Variants in DISC1 observed in about 807,000 individuals in gnomAD.
The protein encoded by DISC1 is disrupted in schizophrenia 1 protein.
Under a neutral mutation model 84.5 loss-of-function variants are expected in DISC1, and 57 were observed. That is an observed-to-expected ratio of 0.67 (90% confidence interval 0.55 to 0.84). The LOEUF is 0.84. Ranked by LOEUF, DISC1 falls within the 40% of genes least tolerant of loss-of-function variation. The pLI is 0.00. For synonymous variants in DISC1, 411 were observed against 415.2 expected (o/e 0.99, Z 0.12); for missense variants, 1,000 against 1,057.8 (o/e 0.95, Z 0.76).
chr1:232,006,362 A>G (rs746484939), intron 10 of DISC1, among the ~76,000 whole-genome samples: 3 of 152,164 alleles, frequency 2.0e-5, no homozygotes, highest in Non-Finnish European at 1.5e-5. Context: ...AGTGATATGG[A>G]TAATGAAGTC....
chr1:231,755,991 T>C (rs2075074065), intron 4 of DISC1, among the ~76,000 whole-genome samples: 2 of 152,222 alleles, frequency 1.3e-5, no homozygotes, highest in South Asian at 4.1e-4. Context: ...TGGCTCCCCA[T>C]TGCTTGCAGG....
intron 1 of DISC1, among the ~76,000 whole-genome samples, chr1:231,631,964 T>C (rs2058746164): frequency 1.3e-5 from 2 of 152,322 alleles, no homozygotes; most frequent in African/African-American, 2.4e-5. Context: ...CCATGCATGA[T>C]AAGCCTCCTA....
chr1:231,787,612 A>G (rs1325888323), intron 6 of DISC1, among the ~76,000 whole-genome samples: 1 of 152,196 alleles, frequency 6.6e-6, no homozygotes. Context: ...TGCCTTGGGA[A>G]TTAAGTTTCC....
chr1:231,788,248 G>A (rs1474552032), intron 6 of DISC1, among the ~76,000 whole-genome samples: 2 of 152,138 alleles, frequency 1.3e-5, no homozygotes. Context: ...TCACACCACT[G>A]CACTCCAGCC....
At chr1:231,933,456 T>C (rs148484991) in intron 9 of DISC1, among the ~76,000 whole-genome samples, 85 of 152,336 alleles carry the variant, frequency 5.6e-4, no homozygotes, top group African/African-American at 1.9e-3. Context: ...CTAAGGCACC[T>C]TCTCATCCTG....
At chr1:231,663,017 G>A (rs935965847) in intron 1 of DISC1, among the ~76,000 whole-genome samples, 18 of 150,958 alleles carry the variant, frequency 1.2e-4, no homozygotes, top group African/African-American at 3.4e-4. Context: ...ACAAGCAAAC[G>A]AAAAACGTCC....
intron 9 of DISC1, among the ~76,000 whole-genome samples, chr1:231,867,027 C>T (rs942725876): frequency 1.3e-5 from 2 of 152,200 alleles, no homozygotes; most frequent in African/African-American, 4.8e-5. Context: ...TAAATCAACA[C>T]AATTACATTC....
At chr1:231,896,592 TC>T (rs1222062922) in intron 9 of DISC1, among the ~76,000 whole-genome samples, 1 of 152,192 alleles carries the variant, frequency 6.6e-6, no homozygotes, top group African/African-American at 2.4e-5. Context: ...ATATAATCAT[TC>T]CAGTTTCATA....
intron 9 of DISC1, among the ~76,000 whole-genome samples, chr1:231,898,573 A>C (rs1277801279): frequency 1.3e-5 from 2 of 152,238 alleles, no homozygotes; most frequent in Non-Finnish European, 2.9e-5. Context: ...AACAAAATAT[A>C]ATTTGGGAAT....
intron 9 of DISC1, among the ~76,000 whole-genome samples, chr1:231,947,004 C>T (rs182214359): frequency 2.0e-5 from 3 of 152,278 alleles, no homozygotes; most frequent in Admixed American, 1.3e-4. Context: ...TAGGAAGAAG[C>T]AATATCATCA....
At chr1:232,001,115 C>CTG (rs55707379) in intron 10 of DISC1, among the ~76,000 whole-genome samples, 43,699 of 151,882 alleles carry the variant, frequency 0.29, 6,538 homozygotes, top group African/African-American at 0.34. Context: ...GAGTCTCACT[C>CTG]TCACCCAGGC....
intron 9 of DISC1, among the ~76,000 whole-genome samples, chr1:231,862,052 T>G (rs532818444): frequency 6.6e-6 from 1 of 152,338 alleles, no homozygotes; most frequent in East Asian, 1.9e-4. Context: ...ACAAAATTCT[T>G]GAAAGTTTAT....
intron 1 of DISC1, among the ~76,000 whole-genome samples, chr1:231,673,119 G>A (rs1314899190): frequency 6.6e-6 from 1 of 152,174 alleles, no homozygotes. Flanking sequence ...CTAATTCTGT[G>A]CCTTCCTTTG....
Position 231,954,086 on chromosome 1 carries a change from C to A in DISC1, c.1982-4742C>A, listed in dbSNP as rs1278362690. On this transcript the variant is annotated intron_variant, in intron 9 of 12. Transcript: ENST00000439617. This position sits in a 1 kb window ranked among gnomAD's most constrained non-coding sequence, Gnocchi z 4.8. ...CTACCTTCCAACTTCCGTGTTTACA[C>A]TGAAAAAGCTGTTGCTGGGTAGCTT... 6.6e-6 allele frequency among the ~76,000 whole-genome samples: 1 copy of A among 152,192 alleles called. No homozygotes were observed.
chr1:231,682,315 G>A (rs1284554972), intron 1 of DISC1, among the ~76,000 whole-genome samples: 2 of 152,040 alleles, frequency 1.3e-5, no homozygotes, highest in Non-Finnish European at 2.9e-5. Context: ...ATCTGTTTTG[G>A]GCAGATAAAG....
chr1:231,685,848 A>G lies in DISC1; in HGVS notation c.68-7978A>G, dbSNP rs111891370. 4.2e-3 allele frequency among the ~76,000 whole-genome samples: 644 copies of G among 152,354 alleles called. 10 individuals carry two copies. The highest frequency in any genetic ancestry group is 0.015 in the African/African-American group (614 of 41,574). On this transcript the variant is annotated intron_variant, in intron 1 of 12. Transcript: ENST00000439617. Reference sequence around the variant, plus strand: ...CCATGAGCCTGTAAAATCAAAAGCAAGTTAGTTACTTCCTAGATACAATGG... The same window carrying G: ...CCATGAGCCTGTAAAATCAAAAGCAGGTTAGTTACTTCCTAGATACAATGG...
At chr1:231,785,306 G>A (rs1281585205) in intron 6 of DISC1, among the ~76,000 whole-genome samples, 1 of 149,694 alleles carries the variant, frequency 6.7e-6, no homozygotes, top group African/African-American at 2.5e-5. Flanking sequence ...TAGAGACAAA[G>A]TCTTGCTTTG....
rs1489695180 is a variant in DISC1, at chr1:231,630,254, A to C, written c.67+3320A>C. Among the ~76,000 whole-genome samples the C allele has an allele frequency of 1.3e-5, 2 of 152,210 alleles. No homozygotes were observed. The highest frequency in any genetic ancestry group is 1.9e-4 in the East Asian group (1 of 5,196). On this transcript the variant is annotated intron_variant, in intron 1 of 12. Coordinates refer to ENST00000439617, the MANE Select transcript of DISC1 (RefSeq NM_018662.3). The surrounding 1 kb of genome is among the most constrained non-coding windows in gnomAD (Gnocchi z 4.4). Reference sequence around the variant, plus strand: ...CTTTAAACAAGATTTAAAGACCAGCACACAAAGTTTCTGAGTACAAAAAAA... The same window carrying C: ...CTTTAAACAAGATTTAAAGACCAGCCCACAAAGTTTCTGAGTACAAAAAAA...
chr1:231,686,237 G>A (rs2064259485), intron 1 of DISC1, among the ~76,000 whole-genome samples: 1 of 152,230 alleles, frequency 6.6e-6, no homozygotes, highest in African/African-American at 2.4e-5. Context: ...CCCCAGTAGG[G>A]ACTCTGTGGG....
Sources: allele counts gnomAD v4.1 joint callset (sites outside exome capture counted in the v4.1 genomes callset), GRCh38; gene constraint gnomAD v4.1.1; non-coding constraint Gnocchi (gnomAD v3.1); transcripts MANE v1.5; gene names NCBI Gene and HGNC (gene_info 2026-07-23, HGNC 2026-07-21).